Variants in NCKAP5 observed in about 807,000 individuals in gnomAD.
NCKAP5 encodes NCK associated protein 5.
A neutral mutation model predicts 167.0 loss-of-function variants in NCKAP5; 92 were observed. The observed-to-expected ratio is 0.55, with a 90% confidence interval of 0.47 to 0.66. The LOEUF is 0.66. Ranked by LOEUF, NCKAP5 falls within the 30% of genes least tolerant of loss-of-function variation. The pLI is 0.00. For synonymous variants in NCKAP5, 891 were observed against 877.4 expected (o/e 1.02, Z -0.27); for missense variants, 2,378 against 2,315.0 (o/e 1.03, Z -0.56).
At chr2:133,101,342 C>T (rs2081507473) in intron 6 of NCKAP5, among the ~76,000 whole-genome samples, 1 of 139,752 alleles carries the variant, frequency 7.2e-6, no homozygotes, top group Non-Finnish European at 1.5e-5. Flanking sequence ...AGTGCGATGC[C>T]TCCAGCTTTG....
chr2:132,702,124 A>G (rs918703665), intron 19 of NCKAP5, among the ~76,000 whole-genome samples: 1 of 152,194 alleles, frequency 6.6e-6, no homozygotes, highest in African/African-American at 2.4e-5. Context: ...TGGGGAATAC[A>G]TTTACTCCCA....
At chr2:132,817,141 C>T (rs1430345576) in intron 11 of NCKAP5, among the ~76,000 whole-genome samples, 1 of 152,222 alleles carries the variant, frequency 6.6e-6, no homozygotes. Context: ...ATGTAGCCTG[C>T]TGCTGGTCCA....
chr2:133,566,481 C>T (rs1688563355), intron 1 of NCKAP5, among the ~76,000 whole-genome samples: 1 of 152,202 alleles, frequency 6.6e-6, no homozygotes, highest in South Asian at 2.1e-4. Flanking sequence ...CAATGAGGAA[C>T]AGACACCTTA....
intron 6 of NCKAP5, among the ~76,000 whole-genome samples, chr2:133,102,708 G>A (rs2081555785): frequency 6.7e-6 from 1 of 149,340 alleles, no homozygotes; most frequent in South Asian, 2.1e-4. Context: ...ATTGCTAACT[G>A]GATCATTCTT....
the NCKAP5 span, among the ~76,000 whole-genome samples, chr2:133,609,803 G>C: frequency 3.3e-5 from 5 of 152,132 alleles, no homozygotes; most frequent in African/African-American, 1.2e-4. Flanking sequence ...AAAATATTAG[G>C]AACATTTCTC....
intron 3 of NCKAP5, among the ~76,000 whole-genome samples, chr2:133,327,928 G>A (rs1682563241): frequency 6.6e-6 from 1 of 152,144 alleles, no homozygotes; most frequent in African/African-American, 2.4e-5. Context: ...GTAGGAGCCA[G>A]GGATGCTGCT....
In NCKAP5 at chr2:132,784,531, G is replaced by A. The variant is rs1402515322; in HGVS notation, c.2280C>T (p.Ser760=). The change falls in exon 14 of 20, where the codon AGC becomes AGT. Residue 760 remains serine, a synonymous_variant. Coordinates refer to ENST00000409261, the MANE Select transcript of NCKAP5 (RefSeq NM_207363.3). ...GAGGATTTTGTGTCACTGTCCTGGA[G>A]CTGAAAGATTCAGTGGACACCCTGG... ...NVPRVSTESF[S]SRTVTQNPQQ... 6.4e-7 allele frequency: 1 copy of A among 1,568,510 alleles called. No homozygotes were observed. Among genetic ancestry groups the A allele is most frequent in the African/African-American group, 1.4e-5 (1 of 73,512 alleles).
intron 2 of NCKAP5, among the ~76,000 whole-genome samples, chr2:133,524,131 A>C (rs1684686158): frequency 6.6e-6 from 1 of 152,170 alleles, no homozygotes; most frequent in Non-Finnish European, 1.5e-5. Flanking sequence ...GGTGGGAACC[A>C]AACATTATTA....
intron 11 of NCKAP5, among the ~76,000 whole-genome samples, chr2:132,845,556 C>T (rs983855752): frequency 3.5e-4 from 53 of 152,224 alleles, no homozygotes; most frequent in African/African-American, 1.2e-3. Context: ...TCATTCCTTA[C>T]TGCTACTATT....
intron 2 of NCKAP5, among the ~76,000 whole-genome samples, chr2:133,551,202 C>G (rs1350992230): frequency 6.6e-6 from 1 of 152,092 alleles, no homozygotes; most frequent in East Asian, 1.9e-4. Context: ...CCATCCCCAT[C>G]AAGCTACCAA....
chr2:133,464,599 A>T (rs1160816701), intron 3 of NCKAP5, among the ~76,000 whole-genome samples: 1 of 152,186 alleles, frequency 6.6e-6, no homozygotes, highest in Non-Finnish European at 1.5e-5. Context: ...CTGAGACAGG[A>T]GAATGGTGTG....
intron 8 of NCKAP5, among the ~76,000 whole-genome samples, chr2:132,947,716 C>A (rs79397855): frequency 0.011 from 1,613 of 152,140 alleles, 31 homozygotes; most frequent in African/African-American, 0.036. Flanking sequence ...AGGAGCCCAC[C>A]GTAGAGAGGA....
At chr2:133,132,214 G>A (rs1440599606) in intron 5 of NCKAP5, among the ~76,000 whole-genome samples, 1 of 151,456 alleles carries the variant, frequency 6.6e-6, no homozygotes, top group African/African-American at 2.4e-5. Flanking sequence ...TTGAACCCAG[G>A]AGGCGGAGGT....
chr2:132,688,534 C>G (rs1686265497), intron 19 of NCKAP5, among the ~76,000 whole-genome samples: 1 of 152,118 alleles, frequency 6.6e-6, no homozygotes, highest in African/African-American at 2.4e-5. Context: ...TCCAAATTCC[C>G]ATTTTCAAAC....
chr2:132,731,745 G>A lies in NCKAP5; in HGVS notation c.5435C>T (p.Ala1812Val), dbSNP rs764362331. The stretch of plus-strand genomic sequence containing the variant: ...GGAAATTGGCATTTTACCTGAGGAA[G>A]CTGGTTTGGGGAGGCGGCTCTGAAG... ...RPLQSRLPKP[A>V]SSGKVSSQKQ... The change falls in exon 17 of 20, where the codon GCT becomes GTT. Residue 1812 changes from alanine to valine, a missense_variant. Coordinates refer to ENST00000409261, the MANE Select transcript of NCKAP5 (RefSeq NM_207363.3). 6.3e-7 allele frequency: 1 copy of A among 1,577,970 alleles called. No individual in the cohort carries two copies.
intron 16 of NCKAP5, among the ~76,000 whole-genome samples, chr2:132,745,668 T>G (rs1385778919): frequency 6.6e-6 from 1 of 151,962 alleles, no homozygotes; most frequent in African/African-American, 2.4e-5. Flanking sequence ...CTGTCTTTAT[T>G]TGAAGACAAT....
chr2:133,513,405 C>T (rs1330000421), intron 3 of NCKAP5, among the ~76,000 whole-genome samples: 1 of 152,184 alleles, frequency 6.6e-6, no homozygotes, highest in Non-Finnish European at 1.5e-5. Flanking sequence ...ACAAGTAGGA[C>T]CTCTTTCTCC....
intron 3 of NCKAP5, among the ~76,000 whole-genome samples, chr2:133,331,887 C>A (rs1682877377): frequency 6.6e-6 from 1 of 152,162 alleles, no homozygotes; most frequent in Non-Finnish European, 1.5e-5. Flanking sequence ...GGACAGTGAC[C>A]CAGGCATGGA....
chr2:133,560,996 C>T (rs746641717), intron 1 of NCKAP5, among the ~76,000 whole-genome samples: 1 of 152,172 alleles, frequency 6.6e-6, no homozygotes, highest in African/African-American at 2.4e-5. Context: ...CCTCCACAGC[C>T]CTGGTTTGGT....
Sources: allele counts gnomAD v4.1 joint callset (sites outside exome capture counted in the v4.1 genomes callset), GRCh38; gene constraint gnomAD v4.1.1; transcripts MANE v1.5; gene names NCBI Gene and HGNC (gene_info 2026-07-23, HGNC 2026-07-21).